The following HSDL2 variants were observed in gnomAD, a reference collection of about 807,000 sequenced individuals.
The protein encoded by HSDL2 is hydroxysteroid dehydrogenase like 2.
A neutral mutation model predicts 46.3 loss-of-function variants in HSDL2; 27 were observed. That is an observed-to-expected ratio of 0.58 (90% CI 0.43 to 0.80). HSDL2 has a LOEUF of 0.80. Among genes scored for constraint, HSDL2 ranks in the 30% least tolerant of loss-of-function variants. The probability of loss-of-function intolerance (pLI) is 0.00; values close to 1 mark genes in which losing one functional copy is unlikely to be tolerated. For synonymous variants in HSDL2, 153 were observed against 163.6 expected, an observed-to-expected ratio of 0.94 and a Z score of 0.50; for missense variants, 451 against 502.7, an observed-to-expected ratio of 0.90 and a Z score of 0.98.
intron 5 of HSDL2, 67 bp downstream of exon 5, chr9:112,417,011 T>G: frequency 1.5e-6 from 1 of 666,148 alleles, no homozygotes; most frequent in Non-Finnish European, 2.7e-6. Flanking sequence ...AATCTGTGTA[T>G]GTCTGATGTA....
In HSDL2 at chr9:112,412,255, C is replaced by T. The variant is rs143064092; in HGVS notation, c.395+3234C>T. ...TTGTACCACACACCTAGGTATATGG[C>T]GTCAGGAGAATTTTGACGTGATTAA... is the stretch of plus-strand genomic sequence containing the variant. On this transcript the variant is annotated intron_variant, in intron 4 of 10. Coordinates refer to ENST00000398805, the MANE Select transcript of HSDL2 (RefSeq NM_032303.5). Among the ~76,000 whole-genome samples, 760 of 151,254 alleles carry T rather than the reference C, an allele frequency of 5.0e-3. 4 individuals carry two copies. The highest frequency in any genetic ancestry group is 5.3e-3 in the Non-Finnish European group (359 of 67,874).
chr9:112,408,212 C>T (rs917394637), intron 3 of HSDL2, among the ~76,000 whole-genome samples: 1 of 152,126 alleles, frequency 6.6e-6, no homozygotes, highest in African/African-American at 2.4e-5. Flanking sequence ...GCCTTTGAAA[C>T]TTCATGCTAG....
Position 112,405,763 on chromosome 9 carries a change from A to G in HSDL2, c.280+41A>G, listed in dbSNP as rs557325067. The G allele has an allele frequency of 4.0e-5, 48 of 1,206,916 alleles. No homozygotes were observed. In the South Asian group the frequency reaches 6.0e-4, roughly 15 times the overall value. The allele number at this position is 1,206,916 out of a possible 1,614,324, so 74.8% of individuals were successfully genotyped here. ...TGAAAAAATTATTGGATATTGGTAA[A>G]ATAAAGGTATAACTATAATGTTAAT... On this transcript the variant is annotated intron_variant, in intron 3 of 10. Coordinates refer to ENST00000398805, the MANE Select transcript of HSDL2 (RefSeq NM_032303.5).
chr9:112,397,471 A>G (rs1564105834), intron 1 of HSDL2, among the ~76,000 whole-genome samples: 2 of 152,214 alleles, frequency 1.3e-5, no homozygotes, highest in Non-Finnish European at 2.9e-5. Context: ...AAATCAGGAT[A>G]TAATTCATTG....
intron 1 of HSDL2, among the ~76,000 whole-genome samples, chr9:112,388,478 A>G (rs891961460): frequency 6.0e-5 from 9 of 149,220 alleles, no homozygotes; most frequent in African/African-American, 2.2e-4. Context: ...AAAAAAAAAA[A>G]AATACGCCAG....
intron 10 of HSDL2, among the ~76,000 whole-genome samples, chr9:112,468,647 C>G (rs572726438): frequency 3.9e-5 from 6 of 152,164 alleles, no homozygotes; most frequent in Non-Finnish European, 8.8e-5. Flanking sequence ...TCCTCCTCTT[C>G]CCTCTTTCTC....
intron 5 of HSDL2, among the ~76,000 whole-genome samples, chr9:112,418,107 G>A (rs145154796): frequency 3.3e-5 from 5 of 152,110 alleles, no homozygotes; most frequent in African/African-American, 1.2e-4. Context: ...AGATAATAAT[G>A]TAATTTACCC....
chr9:112,382,013 G>A (rs184679041), intron 1 of HSDL2, among the ~76,000 whole-genome samples: 11 of 152,250 alleles, frequency 7.2e-5, no homozygotes, highest in Middle Eastern at 3.4e-3. Flanking sequence ...CGAGGCGGGC[G>A]GATCACTGGA....
chr9:112,395,271 T>G (rs901109712), intron 1 of HSDL2, among the ~76,000 whole-genome samples: 17 of 152,180 alleles, frequency 1.1e-4, no homozygotes, highest in Non-Finnish European at 1.0e-4. Context: ...TCTCACCAGG[T>G]ATGAGGGCAG....
chr9:112,469,816 T>G (rs1014831860), intron 10 of HSDL2: 1 of 152,176 alleles, frequency 6.6e-6, no homozygotes, highest in Non-Finnish European at 1.5e-5. Flanking sequence ...AATTCCACTA[T>G]GTGATAGACC....
chr9:112,418,937 A>G lies in HSDL2; in HGVS notation c.577A>G (p.Asn193Asp), dbSNP rs754328151. The change falls in exon 6 of 11, where the codon AAT becomes GAT. Residue 193 changes from asparagine (N) to aspartate (D), a missense_variant. Physicochemically the swap from Asn to Asp is conservative, Grantham distance 23 (BLOSUM62 1). Coordinates refer to ENST00000398805, the MANE Select transcript of HSDL2 (RefSeq NM_032303.5). ...AGAATTTAAAGGTGAAATTGCAGTC[A>G]ATGCATTATGGCCTAAAACAGGTAT... is the stretch of plus-strand genomic sequence containing the variant. ...AEEFKGEIAV[N>D]ALWPKTAIHT... The G allele has an allele frequency of 6.3e-7, 1 of 1,595,584 alleles. No homozygotes were observed. The highest frequency in any genetic ancestry group is 2.3e-5 in the East Asian group (1 of 44,328).
chr9:112,381,020 A>C (rs1054524052), intron 1 of HSDL2, among the ~76,000 whole-genome samples: 2 of 151,822 alleles, frequency 1.3e-5, no homozygotes, highest in Non-Finnish European at 2.9e-5. Context: ...CCATCCCTAA[A>C]ATCTAGTTCC....
intron 6 of HSDL2, among the ~76,000 whole-genome samples, chr9:112,427,150 GT>G (rs1832268248): frequency 6.6e-6 from 1 of 152,164 alleles, no homozygotes; most frequent in Non-Finnish European, 1.5e-5. Context: ...CACCTCCCAG[GT>G]TTAAGTGATT....
chr9:112,451,681 T>A (rs963443106), intron 8 of HSDL2, among the ~76,000 whole-genome samples: 3 of 152,230 alleles, frequency 2.0e-5, no homozygotes, highest in Admixed American at 1.3e-4. Context: ...TAAGTCTGCG[T>A]CTGGCTTGGT....
intron 10 of HSDL2, among the ~76,000 whole-genome samples, chr9:112,468,572 C>G (rs187904705): frequency 5.5e-4 from 83 of 152,178 alleles, no homozygotes; most frequent in African/African-American, 1.9e-3. Context: ...GCCTTTCCCC[C>G]TTTCCCTTTT....
intron 8 of HSDL2, among the ~76,000 whole-genome samples, chr9:112,446,766 C>A (rs1221461564): frequency 6.6e-6 from 1 of 152,218 alleles, no homozygotes; most frequent in Non-Finnish European, 1.5e-5. Context: ...CACTGCAGGA[C>A]TCCCCTACTG....
At chr9:112,412,978 A>G (rs1831911929) in intron 4 of HSDL2, among the ~76,000 whole-genome samples, 1 of 152,082 alleles carries the variant, frequency 6.6e-6, no homozygotes, top group Admixed American at 6.6e-5. Context: ...ACTCTCGCAC[A>G]AAGATTCTAT....
At chr9:112,385,633 C>A (rs1345062378) in intron 1 of HSDL2, among the ~76,000 whole-genome samples, 1 of 151,936 alleles carries the variant, frequency 6.6e-6, no homozygotes, top group African/African-American at 2.4e-5. Context: ...ATTACAGGCA[C>A]CTGCCACCAC....
At chr9:112,398,271 G>A (rs1831505050) in intron 1 of HSDL2, among the ~76,000 whole-genome samples, 1 of 152,062 alleles carries the variant, frequency 6.6e-6, no homozygotes, top group Non-Finnish European at 1.5e-5. Flanking sequence ...CGAAATGACA[G>A]GAGAGTGAGG....
Sources: gnomAD v4.1 joint callset for allele counts (sites outside exome capture counted in the v4.1 genomes callset) on GRCh38, gnomAD v4.1.1 for gene constraint, MANE v1.5 for transcripts, NCBI Gene and HGNC (gene_info 2026-07-23, HGNC 2026-07-21) for gene names.